The following LRTM3 variants were observed in gnomAD, a reference collection of about 807,000 sequenced individuals.
LRTM3 encodes leucine-rich repeat transmembrane protein 3.
At chr13:102,756,902 T>C in the LRTM3 span, among the ~76,000 whole-genome samples, 1 of 152,256 alleles carries the variant, frequency 6.6e-6, no homozygotes, top group East Asian at 1.9e-4. Flanking sequence ...GATTAACTTC[T>C]GTCTAGGCAG....
chr13:102,752,246 T>C, the LRTM3 span, among the ~76,000 whole-genome samples: 1 of 152,232 alleles, frequency 6.6e-6, no homozygotes, highest in African/African-American at 2.4e-5. Flanking sequence ...ATGAGTTCCA[T>C]GGAGAGGAAT....
the LRTM3 span, chr13:102,741,436 A>AC: frequency 1.3e-6 from 2 of 1,550,256 alleles, no homozygotes; most frequent in Admixed American, 3.9e-5. Context: ...TTGTACAAAG[A>AC]AATTTCTGTC....
chr13:102,749,194 A>C, the LRTM3 span: 1 of 1,550,634 alleles, frequency 6.4e-7, no homozygotes, highest in South Asian at 1.2e-5. Context: ...ATACTTGTGA[A>C]GTTGGTGTTT....
chr13:102,749,633 G>A, the LRTM3 span: 1 of 1,551,404 alleles, frequency 6.4e-7, no homozygotes, highest in Non-Finnish European at 8.7e-7. Flanking sequence ...GGAGTCTTGT[G>A]TGCTGCTAGA....
chr13:102,737,141 C>T, the LRTM3 span: 3 of 1,550,912 alleles, frequency 1.9e-6, no homozygotes, highest in East Asian at 2.4e-5. Context: ...AAAAATTGTG[C>T]CTTCAGGTTG....
At chr13:102,740,971 T>C in the LRTM3 span, 1 of 1,550,202 alleles carries the variant, frequency 6.5e-7, no homozygotes, top group South Asian at 1.2e-5. Flanking sequence ...CTTCTGAACA[T>C]GGAGGTTGAT....
the LRTM3 span, chr13:102,733,114 C>T: frequency 6.4e-7 from 1 of 1,551,488 alleles, no homozygotes; most frequent in Non-Finnish European, 8.7e-7. Context: ...GTGTCTTCTG[C>T]TTTCCACTTT....
At chr13:102,743,617 A>G in the LRTM3 span, 7 of 1,550,464 alleles carry the variant, frequency 4.5e-6, no homozygotes, top group Non-Finnish European at 6.1e-6. Flanking sequence ...AATCTAAAGG[A>G]CCCAGGAAAG....
At chr13:102,731,917 G>A in the LRTM3 span, 3 of 1,549,758 alleles carry the variant, frequency 1.9e-6, no homozygotes, top group East Asian at 2.4e-5. Context: ...TGATACGTAA[G>A]TCTGGTTTTT....
chr13:102,741,375 G>C, the LRTM3 span: 1 of 1,549,646 alleles, frequency 6.5e-7, no homozygotes, highest in Non-Finnish European at 8.7e-7. Context: ...ACATGATCTG[G>C]ATTCACCTGT....
At chr13:102,737,042 T>G in the LRTM3 span, 2 of 1,551,138 alleles carry the variant, frequency 1.3e-6, no homozygotes, top group Non-Finnish European at 1.7e-6. Flanking sequence ...TCTCAATTTT[T>G]CTTTTATGTT....
At chr13:102,732,840 A>AT in the LRTM3 span, 1 of 1,550,678 alleles carries the variant, frequency 6.4e-7, no homozygotes, top group Non-Finnish European at 8.7e-7. Flanking sequence ...TCCATTTCTA[A>AT]TTTTTTCTGC....
At chr13:102,736,863 A>T in the LRTM3 span, 246 of 1,550,946 alleles carry the variant, frequency 1.6e-4, 3 homozygotes, top group South Asian at 1.9e-3. Context: ...GACAATGTAT[A>T]TTTTAATTTC....
At chr13:102,739,124 A>AT in the LRTM3 span, 2 of 1,550,404 alleles carry the variant, frequency 1.3e-6, no homozygotes, top group Admixed American at 2.0e-5. Context: ...TGGAGAAAGA[A>AT]TAGAAGCACA....
the LRTM3 span, chr13:102,734,229 T>C: frequency 6.4e-7 from 1 of 1,551,418 alleles, no homozygotes; most frequent in Non-Finnish European, 8.7e-7. Context: ...TTCTGTGACC[T>C]ATGTGGTTTT....
At chr13:102,745,751 T>G in the LRTM3 span, 1 of 1,551,198 alleles carries the variant, frequency 6.4e-7, no homozygotes, top group Non-Finnish European at 8.7e-7. Flanking sequence ...TTCTCTTGCA[T>G]AAAATATGAT....
the LRTM3 span, among the ~76,000 whole-genome samples, chr13:102,753,640 C>T: frequency 6.6e-6 from 1 of 152,116 alleles, no homozygotes; most frequent in South Asian, 2.1e-4. Flanking sequence ...AATTTCTGTT[C>T]TTTAATGCCA....
chr13:102,749,380 T>C, the LRTM3 span: 12 of 1,551,278 alleles, frequency 7.7e-6, no homozygotes, highest in East Asian at 1.5e-4. Flanking sequence ...CACTCCTTAG[T>C]TGTGGCATAT....
At chr13:102,749,451 T>A in the LRTM3 span, 1 of 1,551,320 alleles carries the variant, frequency 6.4e-7, no homozygotes, top group East Asian at 2.4e-5. Context: ...TTAAAAATAG[T>A]GTCTTGCCCC....
Sources: gnomAD v4.1 joint callset for allele counts (sites outside exome capture counted in the v4.1 genomes callset) on GRCh38, gnomAD v4.1.1 for gene constraint, MANE v1.5 for transcripts, NCBI Gene and HGNC (gene_info 2026-07-23, HGNC 2026-07-21) for gene names.